C10orf67: variants seen among roughly 807,000 people sequenced by gnomAD.
C10orf67 encodes the protein uncharacterized protein C10orf67, mitochondrial.
In C10orf67, 60 loss-of-function variants were observed where a neutral mutation model predicts 35.6. That is an observed-to-expected ratio of 1.68 (90% CI 1.37 to 2.09). C10orf67 has a LOEUF of 2.09. Among genes scored for constraint, C10orf67 ranks in the 30% most tolerant of loss-of-function variants. The pLI is 0.00. For missense variants in C10orf67, 474 were observed against 330.2 expected (o/e 1.44, Z -3.38); for synonymous variants, 167 against 115.8 (o/e 1.44, Z -2.84).
chr10:23,245,773 C>T (rs1314697112), intron 12 of C10orf67, among the ~76,000 whole-genome samples: 2 of 152,182 alleles, frequency 1.3e-5, no homozygotes, highest in African/African-American at 4.8e-5. Flanking sequence ...AATAGTTCAG[C>T]CACTGTGGAA....
chr10:23,250,185 G>T (rs1842412582), intron 12 of C10orf67, among the ~76,000 whole-genome samples: 1 of 152,120 alleles, frequency 6.6e-6, no homozygotes, highest in Non-Finnish European at 1.5e-5. Flanking sequence ...TGACTAAATA[G>T]GTCTGATTAA....
At chr10:23,236,110 T>G (rs987712187) in intron 13 of C10orf67, among the ~76,000 whole-genome samples, 4 of 151,722 alleles carry the variant, frequency 2.6e-5, no homozygotes, top group East Asian at 1.9e-4. Flanking sequence ...TTAGCCGGGC[T>G]TGGTGGCAGG....
At chr10:23,211,792 G>A (rs978468327) in intron 15 of C10orf67, among the ~76,000 whole-genome samples, 5 of 152,108 alleles carry the variant, frequency 3.3e-5, no homozygotes, top group African/African-American at 1.2e-4. Context: ...TTTGGTGGGG[G>A]AAGAAGAGAG....
intron 15 of C10orf67, among the ~76,000 whole-genome samples, chr10:23,217,723 T>G (rs1221763090): frequency 6.6e-6 from 1 of 152,154 alleles, no homozygotes; most frequent in African/African-American, 2.4e-5. Context: ...GCACCAGGTG[T>G]AGGTGTGATA....
intron 8 of C10orf67, among the ~76,000 whole-genome samples, chr10:23,270,851 C>G (rs1039373941): frequency 2.6e-5 from 4 of 152,094 alleles, no homozygotes; most frequent in Admixed American, 6.5e-5. Flanking sequence ...TAAGTGGAAC[C>G]CTGATCCAGC....
chr10:23,282,092 GA>G lies in C10orf67; in HGVS notation c.910-15del. On this transcript the variant is annotated splice_polypyrimidine_tract_variant and intron_variant, in intron 7 of 15. Coordinates refer to ENST00000636213, the MANE Select transcript of C10orf67 (RefSeq NM_001371909.1). ...ACTATCCATTAACTGAAATAGAGAAGAAATTATATTTTTATTAAAGATAAGA... is the reference window on the plus strand; with the variant it reads ...ACTATCCATTAACTGAAATAGAGAAGAATTATATTTTTATTAAAGATAAGA... The G allele has an allele frequency of 3.7e-6, 2 of 535,566 alleles. No individual in the cohort carries two copies. The highest frequency in any genetic ancestry group is 6.7e-6 in the Non-Finnish European group (2 of 298,828). The allele number at this position is 535,566 out of a possible 1,614,324, so 33.2% of individuals were successfully genotyped here.
chr10:23,267,253 A>G lies in C10orf67; in HGVS notation c.977T>C (p.Ile326Thr). The G allele has an allele frequency of 1.4e-6, 1 of 714,244 alleles. No individual in the cohort carries two copies. The allele number at this position is 714,244 out of a possible 1,614,324, so 44.2% of individuals were successfully genotyped here. Residue 326 changes from isoleucine (I) to threonine (T), a missense_variant and splice_region_variant, in exon 9 of 16, where the codon ATT (isoleucine) becomes ACT (threonine). Ile to Thr is a moderately conservative substitution (Grantham distance 89, BLOSUM62 -1). Transcript: ENST00000636213. Reference sequence around the variant, plus strand: ...TTCCTTGTCCTCTTTCTGTTTATTAATCTGTAAAATTGAAGACCCATATCA... The same window carrying G: ...TTCCTTGTCCTCTTTCTGTTTATTAGTCTGTAAAATTGAAGACCCATATCA... ...HYEKSLVQDV[I>T]NKQKEDKEMR...
intron 1 of C10orf67, among the ~76,000 whole-genome samples, chr10:23,342,945 G>A (rs1845962713): frequency 6.6e-6 from 1 of 152,226 alleles, no homozygotes; most frequent in Admixed American, 6.5e-5. Flanking sequence ...ACAACGGTAA[G>A]TTCTCCCATA....
At chr10:23,334,741 A>C (rs530505328) in intron 1 of C10orf67, among the ~76,000 whole-genome samples, 44 of 152,310 alleles carry the variant, frequency 2.9e-4, no homozygotes, top group African/African-American at 1.0e-3. Flanking sequence ...GCTAGTAAGA[A>C]AGGTTTTTAG....
chr10:23,310,731 C>T (rs1462564258), intron 4 of C10orf67, among the ~76,000 whole-genome samples: 1 of 152,218 alleles, frequency 6.6e-6, no homozygotes, highest in East Asian at 1.9e-4. Flanking sequence ...TCCAAGAGGT[C>T]TAAAACTCCA....
Position 23,260,971 on chromosome 10 carries a change from G to A in C10orf67, c.1200+5291C>T, listed in dbSNP as rs368531422. ...AATCTTATAAATTGTAATTGAATTC[G>A]ACTTGCAAATTGTCAACTAGGGAGA... On this transcript the variant is annotated intron_variant, in intron 10 of 15. Transcript: ENST00000636213. 2.6e-5 allele frequency among the ~76,000 whole-genome samples: 4 copies of A among 152,056 alleles called. No homozygotes were observed. The East Asian group carries it at 5.8e-4, about 22-fold the overall frequency.
chr10:23,231,225 T>C (rs1170342084), intron 13 of C10orf67, among the ~76,000 whole-genome samples: 1 of 152,230 alleles, frequency 6.6e-6, no homozygotes, highest in Non-Finnish European at 1.5e-5. Context: ...AGCACCTTTC[T>C]CAGTCTGTCT....
intron 5 of C10orf67, among the ~76,000 whole-genome samples, chr10:23,294,902 T>C (rs887699196): frequency 4.6e-5 from 7 of 152,218 alleles, no homozygotes; most frequent in Admixed American, 4.6e-4. Flanking sequence ...CTTAAGGTTT[T>C]AGGAAAGTTT....
rs1035106988 is a variant in C10orf67, at chr10:23,287,534, C to A, written c.909+2366G>T. 9.9e-5 allele frequency among the ~76,000 whole-genome samples: 15 copies of A among 152,206 alleles called. No individual in the cohort carries two copies. The South Asian group carries it at 2.9e-3, about 29-fold the overall frequency. On this transcript the variant is annotated intron_variant, in intron 7 of 15. Transcript: ENST00000636213. ...AAACCATAAAAACCTAGGAGAAAACCTAGGCAATACCATTCAGGACATAGG... is the reference window on the plus strand; with the variant it reads ...AAACCATAAAAACCTAGGAGAAAACATAGGCAATACCATTCAGGACATAGG...
chr10:23,307,688 T>C (rs567238863), intron 4 of C10orf67, among the ~76,000 whole-genome samples: 1 of 148,226 alleles, frequency 6.7e-6, no homozygotes, highest in East Asian at 2.1e-4. Context: ...CACTGCAACC[T>C]CCGCTTTCTG....
intron 15 of C10orf67, among the ~76,000 whole-genome samples, chr10:23,204,676 T>C (rs533458593): frequency 1.3e-5 from 2 of 152,164 alleles, no homozygotes; most frequent in East Asian, 1.9e-4. Context: ...TGCCTTGCAA[T>C]GGAAATAGAC....
At chr10:23,265,300 C>A (rs1478033086) in intron 10 of C10orf67, among the ~76,000 whole-genome samples, 3 of 152,236 alleles carry the variant, frequency 2.0e-5, no homozygotes, top group African/African-American at 7.2e-5. Flanking sequence ...TGCCTTCCCC[C>A]TTTTTGGAGC....
intron 1 of C10orf67, among the ~76,000 whole-genome samples, chr10:23,335,979 C>T (rs904425220): frequency 1.3e-5 from 2 of 152,080 alleles, no homozygotes; most frequent in Non-Finnish European, 2.9e-5. Context: ...CTTCCCTTCT[C>T]AGGGTGAAGG....
At chr10:23,312,944 T>G (rs1440731066) in intron 4 of C10orf67, among the ~76,000 whole-genome samples, 1 of 152,186 alleles carries the variant, frequency 6.6e-6, no homozygotes, top group Non-Finnish European at 1.5e-5. Context: ...ATCAAGTCTT[T>G]CCTGGGTCTC....
Sources: allele counts gnomAD v4.1 joint callset (sites outside exome capture counted in the v4.1 genomes callset), GRCh38; gene constraint gnomAD v4.1.1; transcripts MANE v1.5; gene names NCBI Gene and HGNC (gene_info 2026-07-23, HGNC 2026-07-21).